Variants in UNC13B observed in about 807,000 individuals in gnomAD.
UNC13B encodes unc-13 homolog B.
In UNC13B, 144 loss-of-function variants were observed where a neutral mutation model predicts 211.0. That is an observed-to-expected ratio of 0.68 (90% confidence interval 0.60 to 0.78). The LOEUF is 0.78. Ranked by LOEUF, UNC13B falls within the 30% of genes least tolerant of loss-of-function variation. The probability of loss-of-function intolerance (pLI) is 0.00; values close to 1 mark genes in which losing one functional copy is unlikely to be tolerated. For missense variants in UNC13B, 1,777 were observed against 2,002.0 expected (o/e 0.89, Z 2.14); for synonymous variants, 709 against 725.8 (o/e 0.98, Z 0.37).
At chr9:35,352,839 C>G (rs1441436256) in intron 11 of UNC13B, 5 of 1,232,176 alleles carry the variant, frequency 4.1e-6, no homozygotes, top group Non-Finnish European at 5.1e-6. Flanking sequence ...AAAGAGGAGG[C>G]TTCTGGGAAG....
intron 7 of UNC13B, among the ~76,000 whole-genome samples, chr9:35,283,939 G>C (rs528300595): frequency 2.0e-5 from 3 of 152,222 alleles, no homozygotes; most frequent in Non-Finnish European, 2.9e-5. Context: ...CTGTGTGCTG[G>C]TTACCTGAGT....
chr9:35,365,004 C>T (rs1031618991), intron 11 of UNC13B, among the ~76,000 whole-genome samples: 1 of 152,240 alleles, frequency 6.6e-6, no homozygotes, highest in African/African-American at 2.4e-5. Flanking sequence ...TGAGAGCAGG[C>T]TTTGCTGCAG....
intron 7 of UNC13B, among the ~76,000 whole-genome samples, chr9:35,293,321 G>A (rs1829185648): frequency 1.3e-5 from 2 of 152,182 alleles, no homozygotes; most frequent in Non-Finnish European, 2.9e-5. Context: ...AGGAGTAATA[G>A]GTCACATGCA....
intron 1 of UNC13B, among the ~76,000 whole-genome samples, chr9:35,222,147 G>A (rs186738454): frequency 2.6e-5 from 4 of 151,686 alleles, no homozygotes; most frequent in East Asian, 3.9e-4. Flanking sequence ...GATCCTTTGC[G>A]TTTTCATATA....
intron 7 of UNC13B, among the ~76,000 whole-genome samples, chr9:35,266,741 G>A (rs776222200): frequency 5.9e-5 from 9 of 152,098 alleles, no homozygotes; most frequent in Non-Finnish European, 1.3e-4. Context: ...TGAAGTTTTT[G>A]TCTCATTTGG....
At chr9:35,309,084 C>T (rs903922996) in intron 9 of UNC13B, among the ~76,000 whole-genome samples, 1 of 152,126 alleles carries the variant, frequency 6.6e-6, no homozygotes, top group African/African-American at 2.4e-5. Flanking sequence ...TGCTGTAGTT[C>T]TTCAGTCTCG....
At chr9:35,362,467 GGAA>G (rs1451587166) in intron 11 of UNC13B, among the ~76,000 whole-genome samples, 12 of 152,198 alleles carry the variant, frequency 7.9e-5, no homozygotes, top group Non-Finnish European at 1.5e-4. Context: ...GCTGACTAAT[GGAA>G]GAAGAGACTT....
chr9:35,291,045 G>T (rs1285679529), intron 7 of UNC13B: 49 of 1,549,682 alleles, frequency 3.2e-5, no homozygotes, highest in Non-Finnish European at 3.7e-5. Context: ...AAAATTATCT[G>T]CTGCTTCTTT....
intron 11 of UNC13B, among the ~76,000 whole-genome samples, chr9:35,331,668 AAC>A (rs1831376348): frequency 6.6e-6 from 1 of 152,168 alleles, no homozygotes; most frequent in Non-Finnish European, 1.5e-5. Flanking sequence ...AGAAATAATT[AAC>A]AGTTAAGTAT....
Position 35,304,046 on chromosome 9 carries a change from A to G in UNC13B, c.4642A>G (p.Thr1548Ala), listed in dbSNP as rs1053685667. 16 of 398,642 alleles carry G rather than the reference A, an allele frequency of 4.0e-5. No homozygotes were observed. Among genetic ancestry groups the G allele is most frequent in the African/African-American group, 2.7e-4 (13 of 48,596 alleles). 24.7% of individuals were successfully genotyped at this position (398,642 alleles called of 1,614,324 possible). A position where few individuals can be genotyped will look rare whatever the true frequency, so the allele number is the denominator to read the frequency against. The change falls in exon 9 of 40, where the codon ACT (threonine) becomes GCT (alanine). Residue 1548 changes from threonine (T) to alanine (A), a missense_variant. Thr to Ala is a moderately conservative substitution (Grantham distance 58). Coordinates refer to ENST00000635942, the MANE Select transcript of UNC13B (RefSeq NM_001371189.2). Reference sequence around the variant, plus strand: ...TATCTATTCTCTTCTCACTGATTCTACTGGGCAGTATGCATATTTATTTAT... The same window carrying G: ...TATCTATTCTCTTCTCACTGATTCTGCTGGGCAGTATGCATATTTATTTAT... ...QYIYSLLTDS[T>A]GQYAYLFIPD... is the part of the protein sequence containing the mutation.
intron 7 of UNC13B, among the ~76,000 whole-genome samples, chr9:35,264,253 G>C (rs1827447051): frequency 6.6e-6 from 1 of 152,150 alleles, no homozygotes; most frequent in African/African-American, 2.4e-5. Context: ...AATTAATCAT[G>C]ATCAGAATGT....
At position 35,228,703 on chromosome 9, in the gene UNC13B, A is replaced by AGTGTGT. The variant is rs56971215; in HGVS notation, c.52+700_52+705dup. Among the ~76,000 whole-genome samples the AGTGTGT allele has an allele frequency of 4.2e-3, 592 of 140,590 alleles. 2 individuals are homozygous for AGTGTGT. Among genetic ancestry groups the AGTGTGT allele is most frequent in the Middle Eastern group, 0.014 (4 of 278 alleles). The allele number at this position is 140,590 out of a possible 152,430, so 92.2% of individuals were successfully genotyped here. Reference sequence around the variant, plus strand: ...TTTTCCCCCAGCAACACATCATGAAAGTGTGTGTGTGTGTGTGTGTGTGTG... The same window carrying AGTGTGT: ...TTTTCCCCCAGCAACACATCATGAAAGTGTGTGTGTGTGTGTGTGTGTGTGTGTGTG... On this transcript the variant is annotated intron_variant, in intron 2 of 39. Coordinates refer to ENST00000635942, the MANE Select transcript of UNC13B (RefSeq NM_001371189.2).
intron 11 of UNC13B, among the ~76,000 whole-genome samples, chr9:35,336,861 A>G (rs1831692446): frequency 6.6e-6 from 1 of 152,168 alleles, no homozygotes; most frequent in African/African-American, 2.4e-5. Context: ...GTTTATTTAC[A>G]AGTCTTATCT....
chr9:35,394,043 A>C (rs548519263), intron 26 of UNC13B, among the ~76,000 whole-genome samples: 21 of 152,158 alleles, frequency 1.4e-4, no homozygotes, highest in Non-Finnish European at 2.5e-4. Context: ...CAGGTTACAG[A>C]TGGGGGTAAT....
In UNC13B at chr9:35,371,079, G is replaced by A. The variant is rs924542861; in HGVS notation, c.9540+683G>A. 6.4e-4 allele frequency among the ~76,000 whole-genome samples: 97 copies of A among 152,266 alleles called. 1 individual carries two copies. The highest frequency in any genetic ancestry group is 2.3e-3 in the African/African-American group (96 of 41,556). ...GTCCAGGTTCTCTCAGAGCTCTAAA[G>A]CTAGAAATCGGGTGTAAGGATTCAG... On this transcript the variant is annotated intron_variant, in intron 13 of 39. Coordinates refer to ENST00000635942, the MANE Select transcript of UNC13B (RefSeq NM_001371189.2).
intron 1 of UNC13B, among the ~76,000 whole-genome samples, chr9:35,226,820 A>G (rs1032271953): frequency 1.3e-5 from 2 of 152,026 alleles, no homozygotes; most frequent in African/African-American, 4.8e-5. Flanking sequence ...CTGAAACATT[A>G]ATCTCCTTTG....
At position 35,254,970 on chromosome 9, in the gene UNC13B, T is replaced by G. The variant is rs1190945918; in HGVS notation, c.469-4023T>G. On this transcript the variant is annotated intron_variant, in intron 6 of 39. Coordinates refer to ENST00000635942, the MANE Select transcript of UNC13B (RefSeq NM_001371189.2). ...TATGTATATAATATAATATATTATA[T>G]TATATATTAATATATGTATATATTA... Among the ~76,000 whole-genome samples, 8 of 122,136 alleles carry G rather than the reference T, an allele frequency of 6.6e-5. No homozygotes were observed. In the East Asian group the frequency reaches 1.6e-3, roughly 25 times the overall value. The allele number at this position is 122,136 out of a possible 152,430, so 80.1% of individuals were successfully genotyped here. A position where few individuals can be genotyped will look rare whatever the true frequency, so the allele number is the denominator to read the frequency against.
chr9:35,328,892 C>T (rs963366859), intron 11 of UNC13B, among the ~76,000 whole-genome samples: 4 of 151,770 alleles, frequency 2.6e-5, no homozygotes, highest in African/African-American at 4.8e-5. Flanking sequence ...CTCAGCCTCC[C>T]GAGTAGCTGG....
At chr9:35,209,764 C>G (rs1823866317) in intron 1 of UNC13B, among the ~76,000 whole-genome samples, 1 of 152,166 alleles carries the variant, frequency 6.6e-6, no homozygotes, top group Admixed American at 6.5e-5. Flanking sequence ...CCTTCTTTTC[C>G]CTACATCATT....
Sources: allele counts gnomAD v4.1 joint callset (sites outside exome capture counted in the v4.1 genomes callset), GRCh38; gene constraint gnomAD v4.1.1; transcripts MANE v1.5; gene names NCBI Gene and HGNC (gene_info 2026-07-23, HGNC 2026-07-21).